The following SLC39A11 variants were observed in gnomAD, a reference collection of about 807,000 sequenced individuals.
SLC39A11 encodes solute carrier family 39 member 11.
In SLC39A11, 33 loss-of-function variants were observed where a neutral mutation model predicts 36.1. The ratio of observed to expected loss-of-function variants is 0.91; its 90% CI spans 0.69 to 1.22. The LOEUF (loss-of-function observed/expected upper bound fraction) is 1.22, where lower values mean the gene tolerates loss of function less well. Ranked by LOEUF, SLC39A11 falls within the 50% of genes most tolerant of loss-of-function variation. The pLI, the probability that SLC39A11 is intolerant of heterozygous loss-of-function variation, is 0.00. For missense variants in SLC39A11, 432 were observed against 430.3 expected (o/e 1.00, Z -0.03); for synonymous variants, 166 against 170.3 (o/e 0.97, Z 0.20).
rs147594829 is a variant in SLC39A11 at position 73,023,646 on chromosome 17, C to T, written c.306+7910G>A. Among the ~76,000 whole-genome samples the T allele has an allele frequency of 8.5e-3, 1,277 of 150,028 alleles. 14 individuals are homozygous for T. Among genetic ancestry groups the T allele is most frequent in the African/African-American group, 0.03 (1,222 of 40,802 alleles). On this transcript the variant is annotated intron_variant, in intron 4 of 9. Transcript: ENST00000255559. Reference sequence around the variant, plus strand: ...CTGGGACTACAGGTGTGTGCCACCACGCCTGGCTAATTTTTTGTATTTTTA... The same window carrying T: ...CTGGGACTACAGGTGTGTGCCACCATGCCTGGCTAATTTTTTGTATTTTTA...
At chr17:72,740,300 C>T (rs2074632575) in intron 6 of SLC39A11, among the ~76,000 whole-genome samples, 1 of 152,098 alleles carries the variant, frequency 6.6e-6, no homozygotes, top group South Asian at 2.1e-4. Context: ...CTCCTGACCT[C>T]GTGATCTGCC....
intron 5 of SLC39A11, among the ~76,000 whole-genome samples, chr17:72,867,758 GCGCACA>G (rs370616375): frequency 0.13 from 18,324 of 137,226 alleles, 1,605 homozygotes; most frequent in African/African-American, 0.3. Context: ...TGAAGTGCGC[GCGCACA>G]CACACACACA....
intron 7 of SLC39A11, among the ~76,000 whole-genome samples, chr17:72,704,162 C>A (rs777995253): frequency 3.3e-4 from 50 of 152,172 alleles, no homozygotes; most frequent in Non-Finnish European, 6.5e-4. Flanking sequence ...CCAGAGCATA[C>A]CTGCTATTTG....
At chr17:72,868,200 T>C (rs1288948939) in intron 5 of SLC39A11, among the ~76,000 whole-genome samples, 3 of 152,206 alleles carry the variant, frequency 2.0e-5, no homozygotes, top group Non-Finnish European at 4.4e-5. Flanking sequence ...CGTCTTGTTA[T>C]AGAGGAACAA....
chr17:72,729,443 ATATATATATATATATTTTT>A lies in SLC39A11; in HGVS notation c.671+7188_671+7206del, dbSNP rs2074109988. The stretch of plus-strand genomic sequence containing the variant: ...TATATATATATATATATATATATAT[ATATATATATATATATTTTT>A]TTTTTTTTTTTTTTTTGTAGAGACA... On this transcript the variant is annotated intron_variant, in intron 7 of 9. Transcript: ENST00000255559. 3.0e-3 allele frequency among the ~76,000 whole-genome samples: 7 copies of A among 2,302 alleles called. 1 individual carries two copies. The highest frequency in any genetic ancestry group is 0.012 in the African/African-American group (6 of 520). The allele number at this position is 2,302 out of a possible 152,430, so 1.5% of individuals were successfully genotyped here. A position where few individuals can be genotyped will look rare whatever the true frequency, so the allele number is the denominator to read the frequency against.
At chr17:72,947,627 G>T in intron 5 of SLC39A11, 125 bp downstream of exon 5, 2 of 1,391,064 alleles carry the variant, frequency 1.4e-6, no homozygotes, top group Non-Finnish European at 2.0e-6. Context: ...TGAGTGATTC[G>T]GAGGGATAGG....
intron 7 of SLC39A11, among the ~76,000 whole-genome samples, chr17:72,702,629 T>C (rs535832388): frequency 6.6e-6 from 1 of 152,180 alleles, no homozygotes; most frequent in East Asian, 1.9e-4. Context: ...ATTCCTCTTT[T>C]CCAGGGAATT....
chr17:73,003,392 C>G (rs1316798946), intron 4 of SLC39A11, among the ~76,000 whole-genome samples: 1 of 152,112 alleles, frequency 6.6e-6, no homozygotes, highest in Non-Finnish European at 1.5e-5. Flanking sequence ...ATGTTGGGGG[C>G]AGAGTCCTGG....
intron 5 of SLC39A11, among the ~76,000 whole-genome samples, chr17:72,947,041 C>T (rs1329874536): frequency 6.6e-6 from 1 of 152,226 alleles, no homozygotes; most frequent in Non-Finnish European, 1.5e-5. Flanking sequence ...CCACAGTTGG[C>T]CAGGTGCAGT....
chr17:72,748,111 C>T (rs1445723316), intron 6 of SLC39A11, among the ~76,000 whole-genome samples: 1 of 152,172 alleles, frequency 6.6e-6, no homozygotes, highest in Non-Finnish European at 1.5e-5. Flanking sequence ...CACCTGAGGT[C>T]AGGAGTTCAA....
intron 3 of SLC39A11, among the ~76,000 whole-genome samples, chr17:73,071,732 T>C (rs1306146569): frequency 1.3e-5 from 2 of 152,246 alleles, no homozygotes; most frequent in African/African-American, 4.8e-5. Flanking sequence ...ACTCTGCCAC[T>C]GTAGTCCAAA....
intron 5 of SLC39A11, among the ~76,000 whole-genome samples, chr17:72,868,145 A>C (rs1023761586): frequency 2.0e-5 from 3 of 152,238 alleles, no homozygotes; most frequent in African/African-American, 4.8e-5. Context: ...TAAACTCTTG[A>C]AAGTTTTTAT....
chr17:72,815,379 G>C (rs1469784797), intron 6 of SLC39A11, among the ~76,000 whole-genome samples: 1 of 152,188 alleles, frequency 6.6e-6, no homozygotes, highest in Non-Finnish European at 1.5e-5. Flanking sequence ...CAGCACTTTG[G>C]GAGGCCAAGG....
chr17:72,843,048 C>G (rs1182430295), intron 6 of SLC39A11, among the ~76,000 whole-genome samples: 1 of 152,190 alleles, frequency 6.6e-6, no homozygotes, highest in South Asian at 2.1e-4. Flanking sequence ...CTCCTGGGTT[C>G]AAGTGATCCT....
In SLC39A11 at chr17:73,061,841, C is replaced by T. The variant is rs1420683101; in HGVS notation, c.147+22967G>A. 4.6e-5 allele frequency among the ~76,000 whole-genome samples: 7 copies of T among 151,892 alleles called. No individual in the cohort carries two copies. In the South Asian group the frequency reaches 6.2e-4, roughly 14 times the overall value. On this transcript the variant is annotated intron_variant, in intron 3 of 9. Transcript: ENST00000255559. The stretch of plus-strand genomic sequence containing the variant: ...GAAACCCCATCTCTACAAAAAAACA[C>T]GAAAATTAGCCGGGTGTAGTGGCCC...
chr17:72,647,498 G>T lies in SLC39A11; in HGVS notation c.*86C>A. On this transcript the variant is annotated 3_prime_UTR_variant, in exon 10 of 10. Transcript: ENST00000255559. ...AGAGAGGAAGGAAAAAAGTTTTAAT[G>T]TGAAGAAAGAAGCTTGTTGTCCCAT... 1 of 1,112,440 alleles carries T rather than the reference G, an allele frequency of 9.0e-7. No homozygotes were observed. The highest frequency in any genetic ancestry group is 1.3e-6 in the Non-Finnish European group (1 of 765,402). The allele number at this position is 1,112,440 out of a possible 1,614,324, so 68.9% of individuals were successfully genotyped here. A position where few individuals can be genotyped will look rare whatever the true frequency, so the allele number is the denominator to read the frequency against.
intron 3 of SLC39A11, among the ~76,000 whole-genome samples, chr17:73,067,180 A>G (rs1053984624): frequency 1.3e-5 from 2 of 152,242 alleles, no homozygotes; most frequent in Non-Finnish European, 2.9e-5. Flanking sequence ...TTTCAGTAAT[A>G]GAATATCAAC....
At chr17:72,725,413 G>A (rs1054444749) in intron 7 of SLC39A11, 1 of 152,140 alleles carries the variant, frequency 6.6e-6, no homozygotes, top group Non-Finnish European at 1.5e-5. Context: ...TTAATTAAAT[G>A]GGGGGTGAAA....
intron 7 of SLC39A11, among the ~76,000 whole-genome samples, chr17:72,721,858 T>C (rs1257717981): frequency 6.6e-6 from 1 of 150,706 alleles, no homozygotes; most frequent in Non-Finnish European, 1.5e-5. Context: ...TAATCCCAGC[T>C]ACTCAGGAGG....
Sources: gnomAD v4.1 joint callset for allele counts (sites outside exome capture counted in the v4.1 genomes callset) on GRCh38, gnomAD v4.1.1 for gene constraint, MANE v1.5 for transcripts, NCBI Gene and HGNC (gene_info 2026-07-23, HGNC 2026-07-21) for gene names.